The following GLT1D1 variants were observed in gnomAD, a reference collection of about 807,000 sequenced individuals.
GLT1D1 encodes glycosyltransferase 1 domain-containing protein 1.
GLT1D1 carries 21 observed loss-of-function variants against 28.7 expected under a neutral mutation model. That is an observed-to-expected ratio of 0.73 (90% CI 0.52 to 1.05). The LOEUF is 1.05. Ranked by LOEUF, GLT1D1 falls within the 50% of genes least tolerant of loss-of-function variation. The pLI, the probability that GLT1D1 is intolerant of heterozygous loss-of-function variation, is 0.00. For missense variants in GLT1D1, 343 were observed against 330.6 expected (o/e 1.04, Z -0.29); for synonymous variants, 147 against 124.8 (o/e 1.18, Z -1.19).
intron 1 of GLT1D1, among the ~76,000 whole-genome samples, chr12:128,856,134 A>G (rs1300079845): frequency 6.6e-6 from 1 of 152,172 alleles, no homozygotes; most frequent in Non-Finnish European, 1.5e-5. Context: ...TCCAGAACAT[A>G]TAGGGTAACT....
At chr12:128,974,907 C>T (rs529120337) in intron 7 of GLT1D1, among the ~76,000 whole-genome samples, 19 of 152,336 alleles carry the variant, frequency 1.2e-4, no homozygotes, top group African/African-American at 3.8e-4. Context: ...GCTCTCTCTT[C>T]GCTAAAGAAG....
intron 4 of GLT1D1, among the ~76,000 whole-genome samples, chr12:128,925,749 G>A (rs74849355): frequency 0.014 from 2,188 of 152,190 alleles, 51 homozygotes; most frequent in African/African-American, 0.05. Context: ...TTTCTAGAAC[G>A]TCTGGCTCCT....
chr12:128,872,502 G>A (rs1389111508), intron 1 of GLT1D1, among the ~76,000 whole-genome samples: 1 of 152,180 alleles, frequency 6.6e-6, no homozygotes, highest in Non-Finnish European at 1.5e-5. Context: ...GAAGCGTGAT[G>A]TGCCAGAGGT....
intron 7 of GLT1D1, among the ~76,000 whole-genome samples, chr12:128,968,260 G>T (rs1157031117): frequency 6.6e-6 from 1 of 151,818 alleles, no homozygotes; most frequent in Non-Finnish European, 1.5e-5. Flanking sequence ...CTCCCAAAGT[G>T]CTGGGATTAC....
rs375217495 is a variant in GLT1D1 at position 128,939,867 on chromosome 12, C to T, written c.376-5459C>T. Among the ~76,000 whole-genome samples, 135 of 148,802 alleles carry T rather than the reference C, an allele frequency of 9.1e-4. 1 individual carries two copies. The East Asian group carries it at 0.021, about 24-fold the overall frequency. ...CCCCCACCGCCGATCCAATCACCTC[C>T]TACCAGGCCCCACCTCCAACAATGG... On this transcript the variant is annotated intron_variant, in intron 4 of 7. Coordinates refer to ENST00000281703, the MANE Select transcript of GLT1D1 (RefSeq NM_144669.3).
In GLT1D1 at chr12:128,982,945, CAA is replaced by C. The variant is rs1479135731; in HGVS notation, c.658_659del (p.Lys220GlufsTer4). 1 of 1,613,966 alleles carries C rather than the reference CAA, an allele frequency of 6.2e-7. No homozygotes were observed. The highest frequency in any genetic ancestry group is 8.5e-7 in the Non-Finnish European group (1 of 1,179,920). ...TTTTTGCAGGAGTTTGTTCATCTGG[CAA>C]AGAGACTGGTTAGTGATCCTGCATT... is the stretch of plus-strand genomic sequence containing the variant. On this transcript the variant is annotated frameshift_variant, in exon 8 of 8. Coordinates refer to ENST00000281703, the MANE Select transcript of GLT1D1 (RefSeq NM_144669.3). LOFTEE classifies it low-confidence loss of function (END_TRUNC).
At chr12:128,961,284 A>G (rs1294818317) in intron 7 of GLT1D1, among the ~76,000 whole-genome samples, 1 of 152,172 alleles carries the variant, frequency 6.6e-6, no homozygotes, top group African/African-American at 2.4e-5. Flanking sequence ...CAGTGGTGCA[A>G]TTCAGTCCGA....
intron 4 of GLT1D1, among the ~76,000 whole-genome samples, chr12:128,923,686 T>C (rs1872884234): frequency 6.6e-6 from 1 of 152,130 alleles, no homozygotes; most frequent in African/African-American, 2.4e-5. Context: ...CACAGCCAGC[T>C]AATTTTTGTA....
intron 4 of GLT1D1, among the ~76,000 whole-genome samples, chr12:128,934,174 T>C (rs992595519): frequency 6.6e-6 from 1 of 151,474 alleles, no homozygotes; most frequent in African/African-American, 2.4e-5. Flanking sequence ...CCACATTGAC[T>C]TACTGTGTCT....
intron 4 of GLT1D1, among the ~76,000 whole-genome samples, chr12:128,936,243 C>T (rs1327543071): frequency 6.6e-6 from 1 of 151,762 alleles, no homozygotes; most frequent in African/African-American, 2.4e-5. Context: ...CAAGCTCCGC[C>T]TCCCGGGTTC....
At chr12:128,957,932 G>T (rs962507159) in intron 7 of GLT1D1, among the ~76,000 whole-genome samples, 1 of 152,246 alleles carries the variant, frequency 6.6e-6, no homozygotes, top group South Asian at 2.1e-4. Context: ...TTTCTGAAAC[G>T]TGCACTCTCA....
chr12:128,864,919 A>G (rs1180718410), intron 1 of GLT1D1, among the ~76,000 whole-genome samples: 1 of 152,148 alleles, frequency 6.6e-6, no homozygotes, highest in African/African-American at 2.4e-5. Flanking sequence ...TTCTCTGTAG[A>G]GGAGGCAAGG....
intron 7 of GLT1D1, among the ~76,000 whole-genome samples, chr12:128,966,237 A>G (rs1457197596): frequency 6.6e-6 from 1 of 152,196 alleles, no homozygotes; most frequent in Non-Finnish European, 1.5e-5. Context: ...CTGAGCTGAG[A>G]GGGCGTGCAT....
intron 4 of GLT1D1, among the ~76,000 whole-genome samples, chr12:128,934,408 G>T (rs565547310): frequency 6.6e-5 from 10 of 152,166 alleles, no homozygotes; most frequent in Non-Finnish European, 1.2e-4. Context: ...TGGCCAGGCT[G>T]GTCTCGAACT....
At chr12:128,955,686 G>A (rs750401016) in intron 6 of GLT1D1, among the ~76,000 whole-genome samples, 9 of 152,188 alleles carry the variant, frequency 5.9e-5, no homozygotes, top group East Asian at 5.8e-4. Context: ...TTTGGCTGAC[G>A]CATTCCTCAG....
chr12:128,967,464 A>C (rs1300616885), intron 7 of GLT1D1, among the ~76,000 whole-genome samples: 1 of 152,212 alleles, frequency 6.6e-6, no homozygotes, highest in African/African-American at 2.4e-5. Flanking sequence ...AGTGGAGATC[A>C]TGACCTCTCT....
At chr12:128,973,226 G>A (rs1193644542) in intron 7 of GLT1D1, among the ~76,000 whole-genome samples, 2 of 96,844 alleles carry the variant, frequency 2.1e-5, no homozygotes, top group African/African-American at 6.5e-5. Flanking sequence ...TCTGTTGCCC[G>A]GGCTGGAGTC....
intron 6 of GLT1D1, among the ~76,000 whole-genome samples, chr12:128,948,535 T>C (rs1455290178): frequency 6.6e-6 from 1 of 152,154 alleles, no homozygotes; most frequent in East Asian, 1.9e-4. Flanking sequence ...ATAAAGCCTG[T>C]TTTCCTGTCG....
At chr12:128,898,146 TTCC>T (rs758801379) in intron 3 of GLT1D1, among the ~76,000 whole-genome samples, 122 of 152,062 alleles carry the variant, frequency 8.0e-4, no homozygotes, top group African/African-American at 1.3e-3. Context: ...CTTCCTCTTC[TTCC>T]TCCTCCTCCT....
Sources: gnomAD v4.1 joint callset for allele counts (sites outside exome capture counted in the v4.1 genomes callset) on GRCh38, gnomAD v4.1.1 for gene constraint, MANE v1.5 for transcripts, NCBI Gene and HGNC (gene_info 2026-07-23, HGNC 2026-07-21) for gene names.